ALDH18A1: variants seen among roughly 807,000 people sequenced by gnomAD.
ALDH18A1 encodes delta-1-pyrroline-5-carboxylate synthase.
ALDH18A1 carries 44 observed loss-of-function variants against 88.8 expected under a neutral mutation model. The ratio of observed to expected loss-of-function variants is 0.50; its 90% CI spans 0.39 to 0.64. The LOEUF is 0.64. ALDH18A1 is among the 30% of genes least tolerant of loss of function. ALDH18A1 has a pLI of 0.00. For synonymous variants in ALDH18A1, 331 were observed against 372.1 expected (o/e 0.89, Z 1.27); for missense variants, 782 against 1,009.5 (o/e 0.77, Z 3.05).
chr10:95,642,613 AAAAC>A (rs1329626713), intron 3 of ALDH18A1, among the ~76,000 whole-genome samples: 2 of 152,186 alleles, frequency 1.3e-5, no homozygotes, highest in Non-Finnish European at 2.9e-5. Context: ...AGATCCTCTC[AAAAC>A]AAACAAACAC....
intron 2 of ALDH18A1, among the ~76,000 whole-genome samples, 188 bp downstream of exon 2, chr10:95,653,102 T>A (rs2097912953): frequency 6.6e-6 from 1 of 151,770 alleles, no homozygotes; most frequent in African/African-American, 2.4e-5. Context: ...GCAGGAGGAT[T>A]GCTTGAGTCC....
chr10:95,656,150 A>G (rs2211002), intron 1 of ALDH18A1, among the ~76,000 whole-genome samples: 116,163 of 152,054 alleles, frequency 0.76, 45,248 homozygotes, highest in Middle Eastern at 0.86. Context: ...CCTGAGAGTC[A>G]GCGTGCGGCC....
At chr10:95,625,682 CT>C (rs202013780) in intron 10 of ALDH18A1, among the ~76,000 whole-genome samples, 1 of 149,768 alleles carries the variant, frequency 6.7e-6, no homozygotes, top group African/African-American at 2.5e-5. Context: ...ACTTTTCCTC[CT>C]TTTTTTTTCT....
chr10:95,639,212 T>A (rs565130317), intron 3 of ALDH18A1, among the ~76,000 whole-genome samples: 17 of 152,122 alleles, frequency 1.1e-4, no homozygotes, highest in African/African-American at 3.9e-4. Context: ...GTGCCTGTAG[T>A]CCCAGCTACT....
intron 9 of ALDH18A1, 59 bp from the exon 10 acceptor site, chr10:95,626,835 C>T (rs897714709): frequency 6.6e-7 from 1 of 1,519,744 alleles, no homozygotes; most frequent in Non-Finnish European, 9.1e-7. Flanking sequence ...TCTAGTTCTA[C>T]TACTAGAGAG....
At chr10:95,622,680 G>T (rs1589506958) in intron 11 of ALDH18A1, among the ~76,000 whole-genome samples, 1 of 152,096 alleles carries the variant, frequency 6.6e-6, no homozygotes, top group Admixed American at 6.5e-5. Flanking sequence ...TGGGACTACA[G>T]GCGCCCGCCA....
chr10:95,631,790 A>C (rs2139604273), intron 7 of ALDH18A1, among the ~76,000 whole-genome samples: 1 of 152,062 alleles, frequency 6.6e-6, no homozygotes, highest in South Asian at 2.1e-4. Context: ...CAATGATGTA[A>C]ACACATTAGA....
intron 2 of ALDH18A1, among the ~76,000 whole-genome samples, chr10:95,644,915 G>A (rs953833626): frequency 3.3e-5 from 5 of 152,238 alleles, no homozygotes; most frequent in African/African-American, 9.6e-5. Context: ...GGATTTCACA[G>A]TGCTATTCTG....
At chr10:95,614,900 A>C (rs1168921282) in intron 13 of ALDH18A1, among the ~76,000 whole-genome samples, 1 of 152,216 alleles carries the variant, frequency 6.6e-6, no homozygotes, top group Non-Finnish European at 1.5e-5. Flanking sequence ...TATGCAGGTA[A>C]ATGGAACACT....
At chr10:95,623,802 T>G (rs1566013980) in intron 11 of ALDH18A1, among the ~76,000 whole-genome samples, 1 of 152,168 alleles carries the variant, frequency 6.6e-6, no homozygotes, top group Non-Finnish European at 1.5e-5. Context: ...CAACCTCAGG[T>G]GATCCGCCCA....
chr10:95,632,854 G>C (rs2097872942), intron 7 of ALDH18A1, 105 bp downstream of exon 7: 1 of 994,116 alleles, frequency 1.0e-6, no homozygotes, highest in Non-Finnish European at 1.6e-6. Context: ...ATGATCTATA[G>C]CAAAAAAACA....
rs1313893536 is a variant in ALDH18A1, at chr10:95,614,056, C to T, written c.1711G>A (p.Ala571Thr). 6.2e-7 allele frequency: 1 copy of T among 1,614,194 alleles called. No homozygotes were observed. Reference protein sequence around the residue: ...SQLVRDIQKAAKGIPVMGHSE... With the variant: ...SQLVRDIQKATKGIPVMGHSE... ...TGCCCCATCACTGGAATCCCCTTAG[C>T]AGCTTTCTGGATGTCTCTGACCAGC... is the stretch of plus-strand genomic sequence containing the variant. The change falls in exon 14 of 18, where the codon GCT (alanine) becomes ACT (threonine). Residue 571 changes from alanine to threonine, a missense_variant. Physicochemically the swap from Ala to Thr is moderately conservative, Grantham distance 58 (BLOSUM62 0). Transcript: ENST00000371224.
In ALDH18A1 at chr10:95,611,676, G is replaced by C. The variant is rs546265; in HGVS notation, c.1924-234C>G. Among the ~76,000 whole-genome samples, 1,453 of 152,298 alleles carry C rather than the reference G, an allele frequency of 9.5e-3. 12 individuals are homozygous for C. The highest frequency in any genetic ancestry group is 0.016 in the Non-Finnish European group (1,083 of 68,016). On this transcript the variant is annotated intron_variant, in intron 15 of 17. Coordinates refer to ENST00000371224, the MANE Select transcript of ALDH18A1 (RefSeq NM_002860.4). ...TGAAGCAGGAAGCCTTGAACGTTAA[G>C]GATGTGCAAGGTGGGCCGGGCATGG... is the stretch of plus-strand genomic sequence containing the variant.
chr10:95,614,718 G>A (rs530640506), intron 13 of ALDH18A1, among the ~76,000 whole-genome samples: 3 of 152,304 alleles, frequency 2.0e-5, no homozygotes, highest in African/African-American at 7.2e-5. Context: ...AGGATACTGA[G>A]ATTATGGGCA....
chr10:95,645,424 T>C (rs529451849), intron 2 of ALDH18A1, among the ~76,000 whole-genome samples: 47 of 152,312 alleles, frequency 3.1e-4, no homozygotes, highest in Admixed American at 9.8e-4. Context: ...GACAATTTTC[T>C]CAAAATTTCT....
At position 95,606,152 on chromosome 10, in the gene ALDH18A1, G is replaced by A. The variant is rs949302213; in HGVS notation, c.*610C>T. ...GCAGCTTGGGTTCCAGCTGCATCAC[G>A]GGGAACACAGCATCTCCTGGATGCA... On this transcript the variant is annotated 3_prime_UTR_variant, in exon 18 of 18. Coordinates refer to ENST00000371224, the MANE Select transcript of ALDH18A1 (RefSeq NM_002860.4). The A allele has an allele frequency of 3.6e-5, 27 of 744,018 alleles. No homozygotes were observed. The highest frequency in any genetic ancestry group is 2.3e-4 in the African/African-American group (12 of 52,426). The allele number at this position is 744,018 out of a possible 1,614,324, so 46.1% of individuals were successfully genotyped here.
chr10:95,639,158 C>A (rs147566867), intron 3 of ALDH18A1, among the ~76,000 whole-genome samples: 1,715 of 151,984 alleles, frequency 0.011, 18 homozygotes, highest in Middle Eastern at 0.041. Flanking sequence ...ATAGTAAGAC[C>A]CCATATCTAT....
intron 3 of ALDH18A1, among the ~76,000 whole-genome samples, chr10:95,641,963 G>A (rs2097892543): frequency 6.6e-6 from 1 of 152,142 alleles, no homozygotes. Context: ...TGTAGAGACA[G>A]GGTCTCACTT....
intron 15 of ALDH18A1, among the ~76,000 whole-genome samples, chr10:95,612,978 A>G (rs2097838021): frequency 6.6e-6 from 1 of 152,212 alleles, no homozygotes; most frequent in African/African-American, 2.4e-5. Flanking sequence ...CAAAGGATGG[A>G]AGGGAAGAGA....
Sources: allele counts gnomAD v4.1 joint callset (sites outside exome capture counted in the v4.1 genomes callset), GRCh38; gene constraint gnomAD v4.1.1; transcripts MANE v1.5; gene names NCBI Gene and HGNC (gene_info 2026-07-23, HGNC 2026-07-21).